PKN2: variants seen among roughly 807,000 people sequenced by gnomAD.
PKN2 encodes protein kinase N2.
Under a neutral mutation model 119.1 loss-of-function variants are expected in PKN2, and 38 were observed. That is an observed-to-expected ratio of 0.32 (90% CI 0.25 to 0.42). The LOEUF is 0.42. Among genes scored for constraint, PKN2 ranks in the 10% least tolerant of loss-of-function variants. PKN2 has a pLI of 1.00. For synonymous variants in PKN2, 390 were observed against 384.9 expected (o/e 1.01, Z -0.15); for missense variants, 850 against 1,165.1 (o/e 0.73, Z 3.94).
chr1:88,689,424 C>G (rs1666243924), intron 1 of PKN2, among the ~76,000 whole-genome samples: 1 of 151,950 alleles, frequency 6.6e-6, no homozygotes, highest in Non-Finnish European at 1.5e-5. Flanking sequence ...AAACTTTTTT[C>G]TTGCCACTGG....
At chr1:88,713,757 T>A (rs1035774969) in intron 1 of PKN2, among the ~76,000 whole-genome samples, 1 of 152,248 alleles carries the variant, frequency 6.6e-6, no homozygotes, top group Non-Finnish European at 1.5e-5. Flanking sequence ...TAGTTTCTTT[T>A]GCTATGCAGA....
intron 1 of PKN2, chr1:88,685,305 C>T (rs140136725): frequency 6.6e-6 from 1 of 151,474 alleles, no homozygotes; most frequent in African/African-American, 2.4e-5. Flanking sequence ...TCTCTGCTAC[C>T]CCTGCCCAGA....
At chr1:88,822,077 C>A in intron 17 of PKN2, 74 bp downstream of exon 17, 1 of 1,285,888 alleles carries the variant, frequency 7.8e-7, no homozygotes, top group Non-Finnish European at 1.0e-6. Context: ...TTTTGTTTTT[C>A]TTAAACATTT....
chr1:88,758,448 G>T (rs960632426), intron 2 of PKN2, among the ~76,000 whole-genome samples: 2 of 151,920 alleles, frequency 1.3e-5, no homozygotes, highest in African/African-American at 2.4e-5. Flanking sequence ...GTGTCTTGGG[G>T]TTTTATTATA....
chr1:88,698,380 T>TA (rs1413831709), intron 1 of PKN2, among the ~76,000 whole-genome samples: 1 of 152,184 alleles, frequency 6.6e-6, no homozygotes, highest in Admixed American at 6.5e-5. Flanking sequence ...AACAATGTCC[T>TA]CAACAAGTTT....
chr1:88,806,698 A>G (rs753367976), intron 12 of PKN2, among the ~76,000 whole-genome samples: 5 of 151,904 alleles, frequency 3.3e-5, no homozygotes, highest in Non-Finnish European at 5.9e-5. Flanking sequence ...ATACATAATA[A>G]TGTGTTAGTT....
chr1:88,820,907 A>G lies in PKN2; in HGVS notation c.2280-1034A>G, dbSNP rs567361554. ...TCCTTGTTCAATAAGCCTATCATGT[A>G]TATTAGGCATTATGCTAATGCATTT... On this transcript the variant is annotated intron_variant, in intron 16 of 21. Transcript: ENST00000370521. Among the ~76,000 whole-genome samples, 9 of 152,346 alleles carry G rather than the reference A, an allele frequency of 5.9e-5. No homozygotes were observed. In the South Asian group the frequency reaches 1.9e-3, roughly 32 times the overall value.
intron 1 of PKN2, among the ~76,000 whole-genome samples, chr1:88,713,573 T>G (rs976535608): frequency 3.3e-5 from 5 of 152,234 alleles, no homozygotes; most frequent in Non-Finnish European, 1.5e-5. Flanking sequence ...CATAAATGTC[T>G]TCTTTTGAGA....
At chr1:88,707,289 G>C (rs1667041128) in intron 1 of PKN2, among the ~76,000 whole-genome samples, 1 of 151,952 alleles carries the variant, frequency 6.6e-6, no homozygotes, top group Non-Finnish European at 1.5e-5. Context: ...CTGTACAGAG[G>C]AAAATGTGGC....
chr1:88,746,742 A>G (rs1048134749), intron 2 of PKN2, among the ~76,000 whole-genome samples: 4 of 152,186 alleles, frequency 2.6e-5, no homozygotes, highest in African/African-American at 9.6e-5. Flanking sequence ...ACAATCCAGC[A>G]ATTCCTCTTC....
chr1:88,716,545 T>C (rs1289943178), intron 1 of PKN2, among the ~76,000 whole-genome samples: 1 of 152,234 alleles, frequency 6.6e-6, no homozygotes, highest in African/African-American at 2.4e-5. Context: ...TACTATTATG[T>C]AATGGCCTTC....
chr1:88,687,523 T>C (rs1666150465), intron 1 of PKN2, among the ~76,000 whole-genome samples: 1 of 152,178 alleles, frequency 6.6e-6, no homozygotes, highest in African/African-American at 2.4e-5. Flanking sequence ...AATCTCAGAA[T>C]GAAAGTGTTG....
chr1:88,704,680 C>T (rs2100672115), intron 1 of PKN2, among the ~76,000 whole-genome samples: 1 of 149,542 alleles, frequency 6.7e-6, no homozygotes. Flanking sequence ...ACTTGGGAAG[C>T]TGAGGCAGGA....
At chr1:88,753,309 T>G (rs578123126) in intron 2 of PKN2, among the ~76,000 whole-genome samples, 1 of 152,326 alleles carries the variant, frequency 6.6e-6, no homozygotes, top group African/African-American at 2.4e-5. Context: ...ATTTCTTTTT[T>G]GACCTACCAA....
At chr1:88,757,370 C>T (rs1255323098) in intron 2 of PKN2, among the ~76,000 whole-genome samples, 1 of 152,128 alleles carries the variant, frequency 6.6e-6, no homozygotes, top group Non-Finnish European at 1.5e-5. Context: ...GACTTGGTTG[C>T]CCAGGCTGGT....
At chr1:88,762,527 A>G (rs538614881) in intron 3 of PKN2, among the ~76,000 whole-genome samples, 29 of 152,278 alleles carry the variant, frequency 1.9e-4, no homozygotes, top group Non-Finnish European at 2.9e-5. Flanking sequence ...TGGAATATTA[A>G]TTTATTCATT....
intron 1 of PKN2, among the ~76,000 whole-genome samples, chr1:88,721,459 C>T (rs1667679152): frequency 6.6e-6 from 1 of 152,040 alleles, no homozygotes; most frequent in Admixed American, 6.5e-5. Flanking sequence ...GAACTGTGGA[C>T]ACAGTGGGGG....
intron 1 of PKN2, among the ~76,000 whole-genome samples, chr1:88,698,603 G>A (rs1052567076): frequency 2.0e-5 from 3 of 152,168 alleles, no homozygotes; most frequent in African/African-American, 7.2e-5. Flanking sequence ...AATAATCCAT[G>A]TGTACATATG....
intron 1 of PKN2, among the ~76,000 whole-genome samples, chr1:88,725,575 A>G (rs757584119): frequency 1.3e-5 from 2 of 151,996 alleles, no homozygotes; most frequent in Non-Finnish European, 2.9e-5. Context: ...GTTCAAGCCT[A>G]TTTTCTAAAT....
Sources: gnomAD v4.1 joint callset for allele counts (sites outside exome capture counted in the v4.1 genomes callset) on GRCh38, gnomAD v4.1.1 for gene constraint, MANE v1.5 for transcripts, NCBI Gene and HGNC (gene_info 2026-07-23, HGNC 2026-07-21) for gene names.